Variants in SLC39A11 observed in about 807,000 individuals in gnomAD.
SLC39A11 encodes the protein solute carrier family 39 member 11.
SLC39A11 carries 33 observed loss-of-function variants against 36.1 expected under a neutral mutation model. The observed-to-expected ratio is 0.91, with a 90% CI of 0.69 to 1.22. SLC39A11 has a LOEUF of 1.22. Ranked by LOEUF, SLC39A11 falls within the 50% of genes most tolerant of loss-of-function variation. SLC39A11 has a pLI of 0.00. For synonymous variants in SLC39A11, 166 were observed against 170.3 expected (o/e 0.97, Z 0.20); for missense variants, 432 against 430.3 (o/e 1.00, Z -0.03).
At chr17:72,679,770 A>G (rs4793305) in intron 7 of SLC39A11, among the ~76,000 whole-genome samples, 73,329 of 152,060 alleles carry the variant, frequency 0.48, 17,885 homozygotes, top group Admixed American at 0.53. Flanking sequence ...TTGGCTGGGC[A>G]CGGTGGCTCA....
intron 7 of SLC39A11, among the ~76,000 whole-genome samples, chr17:72,708,880 G>A (rs948464694): frequency 6.6e-5 from 10 of 152,020 alleles, no homozygotes; most frequent in South Asian, 2.1e-4. Context: ...AACTCATAAC[G>A]CATGAACTTT....
intron 6 of SLC39A11, among the ~76,000 whole-genome samples, chr17:72,847,989 C>T (rs559235113): frequency 6.6e-6 from 1 of 152,294 alleles, no homozygotes; most frequent in African/African-American, 2.4e-5. Context: ...ACTCGAATTC[C>T]CAAACAACAA....
At chr17:72,825,797 T>C (rs1016526428) in intron 6 of SLC39A11, among the ~76,000 whole-genome samples, 8 of 152,216 alleles carry the variant, frequency 5.3e-5, no homozygotes, top group African/African-American at 1.9e-4. Flanking sequence ...ATTTGCCCCT[T>C]TGTTTTGGCT....
intron 4 of SLC39A11, among the ~76,000 whole-genome samples, chr17:72,980,259 G>A (rs71380153): frequency 0.048 from 7,281 of 152,124 alleles, 218 homozygotes; most frequent in Non-Finnish European, 0.065. Context: ...CAAAAACAAC[G>A]GCCAGATGGA....
chr17:72,688,147 C>G (rs1257049010), intron 7 of SLC39A11, among the ~76,000 whole-genome samples: 1 of 152,216 alleles, frequency 6.6e-6, no homozygotes, highest in Admixed American at 6.5e-5. Flanking sequence ...TGCCACAGAG[C>G]TATCCTGGGC....
intron 7 of SLC39A11, among the ~76,000 whole-genome samples, chr17:72,731,269 GAA>G (rs1484087820): frequency 6.6e-6 from 1 of 152,146 alleles, no homozygotes; most frequent in Non-Finnish European, 1.5e-5. Flanking sequence ...TCTGTGAGTT[GAA>G]CTGTCGTTTC....
At chr17:72,692,025 T>C (rs1336492185) in intron 7 of SLC39A11, among the ~76,000 whole-genome samples, 2 of 151,606 alleles carry the variant, frequency 1.3e-5, no homozygotes, top group Non-Finnish European at 2.9e-5. Context: ...TTTTTTTTTT[T>C]TTTGAGGCGG....
At chr17:72,934,702 A>G (rs1408983839) in intron 5 of SLC39A11, among the ~76,000 whole-genome samples, 1 of 152,166 alleles carries the variant, frequency 6.6e-6, no homozygotes, top group African/African-American at 2.4e-5. Flanking sequence ...CCATAATTAA[A>G]CAAATGGATT....
intron 6 of SLC39A11, among the ~76,000 whole-genome samples, chr17:72,743,514 C>T (rs1420457716): frequency 1.3e-5 from 2 of 152,142 alleles, no homozygotes; most frequent in Admixed American, 1.3e-4. Context: ...ACCACAACTC[C>T]ACGCTGCCTT....
chr17:72,754,051 T>TACACACACACACACAC (rs58802713), intron 6 of SLC39A11, among the ~76,000 whole-genome samples: 1 of 108,058 alleles, frequency 9.3e-6, no homozygotes, highest in Non-Finnish European at 1.8e-5. Context: ...TATATACACA[T>TACACACACACACACAC]ACACACACAC....
Position 72,775,070 on chromosome 17 carries a change from G to A in SLC39A11, c.602-38351C>T, listed in dbSNP as rs2076087560. Among the ~76,000 whole-genome samples the A allele has an allele frequency of 3.3e-5, 5 of 151,934 alleles. No individual in the cohort carries two copies. The South Asian group carries it at 1.0e-3, about 32-fold the overall frequency. On this transcript the variant is annotated intron_variant, in intron 6 of 9. Transcript: ENST00000255559. ...CTGATTTGGAGGGCTGGCTAATATT[G>A]TGAGCACCCATTCCCCCAACACCTG...
intron 6 of SLC39A11, among the ~76,000 whole-genome samples, chr17:72,743,480 C>G (rs1383696903): frequency 6.6e-6 from 1 of 152,192 alleles, no homozygotes; most frequent in Non-Finnish European, 1.5e-5. Context: ...CCTCTCAGGT[C>G]TGCAGTGGCC....
chr17:72,860,611 G>A (rs1322898430), intron 5 of SLC39A11, among the ~76,000 whole-genome samples: 1 of 152,128 alleles, frequency 6.6e-6, no homozygotes, highest in Non-Finnish European at 1.5e-5. Flanking sequence ...CACAGCTCAG[G>A]GAGACAAGCG....
intron 4 of SLC39A11, among the ~76,000 whole-genome samples, chr17:72,964,698 TACTC>T (rs909334394): frequency 1.8e-4 from 28 of 152,292 alleles, no homozygotes; most frequent in African/African-American, 6.7e-4. Context: ...GTGTGGCAAT[TACTC>T]AGGGATCTAG....
intron 7 of SLC39A11, among the ~76,000 whole-genome samples, chr17:72,652,154 T>G (rs1598221918): frequency 6.6e-6 from 1 of 152,076 alleles, no homozygotes; most frequent in Admixed American, 6.5e-5. Context: ...TGTGTTCCAA[T>G]AAAACTTTAT....
intron 6 of SLC39A11, among the ~76,000 whole-genome samples, chr17:72,840,361 C>T (rs2078747870): frequency 6.6e-6 from 1 of 152,198 alleles, no homozygotes; most frequent in African/African-American, 2.4e-5. Flanking sequence ...TTCTCTGGAC[C>T]TTTAAAATAA....
At chr17:72,830,264 C>T (rs1268198130) in intron 6 of SLC39A11, among the ~76,000 whole-genome samples, 2 of 152,244 alleles carry the variant, frequency 1.3e-5, no homozygotes, top group East Asian at 3.9e-4. Context: ...TCCACTGATA[C>T]GCTAGCATAG....
intron 6 of SLC39A11, among the ~76,000 whole-genome samples, chr17:72,810,648 T>G (rs187269227): frequency 2.0e-5 from 3 of 152,278 alleles, no homozygotes; most frequent in Non-Finnish European, 4.4e-5. Context: ...TTTTGTATCA[T>G]GATCTCAATA....
intron 4 of SLC39A11, among the ~76,000 whole-genome samples, chr17:72,979,073 C>A (rs549976646): frequency 2.0e-5 from 3 of 152,128 alleles, no homozygotes; most frequent in Non-Finnish European, 4.4e-5. Flanking sequence ...GGAGAGACCA[C>A]GCGGAGGCAA....
Sources: gnomAD v4.1 joint callset for allele counts (sites outside exome capture counted in the v4.1 genomes callset) on GRCh38, gnomAD v4.1.1 for gene constraint, MANE v1.5 for transcripts, NCBI Gene and HGNC (gene_info 2026-07-23, HGNC 2026-07-21) for gene names.